The following MERTK variants were observed in gnomAD, a reference collection of about 807,000 sequenced individuals.
MERTK encodes tyrosine-protein kinase Mer.
MERTK carries 69 observed loss-of-function variants against 99.3 expected under a neutral mutation model. The ratio of observed to expected loss-of-function variants is 0.70; its 90% CI spans 0.57 to 0.85. The LOEUF (loss-of-function observed/expected upper bound fraction) is 0.85. Ranked by LOEUF, MERTK falls within the 40% of genes least tolerant of loss-of-function variation. MERTK has a pLI of 0.00. For synonymous variants in MERTK, 426 were observed against 467.6 expected, an observed-to-expected ratio of 0.91 and a Z score of 1.15; for missense variants, 1,125 against 1,249.4, an observed-to-expected ratio of 0.90 and a Z score of 1.50.
intron 1 of MERTK, among the ~76,000 whole-genome samples, chr2:111,903,204 C>G (rs115877414): frequency 0.012 from 1,826 of 152,298 alleles, 38 homozygotes; most frequent in East Asian, 0.03. Context: ...CAGTGAGTAT[C>G]AGAGCACAGC....
intron 2 of MERTK, among the ~76,000 whole-genome samples, chr2:111,931,644 C>T (rs1442099664): frequency 1.3e-5 from 2 of 151,518 alleles, no homozygotes; most frequent in East Asian, 3.9e-4. Context: ...CAAGATTGCA[C>T]CACTGCACTC....
intron 8 of MERTK, among the ~76,000 whole-genome samples, chr2:111,987,063 A>G (rs2104744742): frequency 1.3e-5 from 2 of 152,384 alleles, no homozygotes; most frequent in South Asian, 4.1e-4. Flanking sequence ...ACCTTGTCTC[A>G]AAATTATCCG....
intron 1 of MERTK, among the ~76,000 whole-genome samples, chr2:111,902,813 T>A (rs1684070419): frequency 1.0e-5 from 1 of 96,050 alleles, no homozygotes; most frequent in South Asian, 3.9e-4. Flanking sequence ...TCCCTCTATT[T>A]CTTTATTGAC....
chr2:111,928,113 T>A (rs183068632), intron 1 of MERTK, among the ~76,000 whole-genome samples: 6 of 152,196 alleles, frequency 3.9e-5, no homozygotes, highest in Admixed American at 3.3e-4. Flanking sequence ...CAAGCAAGCA[T>A]TTTCCTGGAA....
At chr2:111,912,496 A>G (rs1282580732) in intron 1 of MERTK, among the ~76,000 whole-genome samples, 1 of 152,206 alleles carries the variant, frequency 6.6e-6, no homozygotes, top group Non-Finnish European at 1.5e-5. Flanking sequence ...AAGAGCCCTT[A>G]ACCTTCTTAC....
intron 18 of MERTK, 27 bp downstream of exon 18, chr2:112,022,421 C>T (rs1325633084): frequency 6.8e-6 from 11 of 1,614,164 alleles, no homozygotes; most frequent in Non-Finnish European, 9.3e-6. Flanking sequence ...GTCTCCCTTC[C>T]ATACTCTGCA....
chr2:112,027,854 T>A (rs138750647), intron 18 of MERTK, among the ~76,000 whole-genome samples: 5 of 152,222 alleles, frequency 3.3e-5, no homozygotes, highest in Admixed American at 2.6e-4. Context: ...TTTGATGGCA[T>A]AGGACAGAGG....
chr2:111,923,017 G>A (rs1003043159), intron 1 of MERTK, among the ~76,000 whole-genome samples: 11 of 152,326 alleles, frequency 7.2e-5, no homozygotes, highest in African/African-American at 2.6e-4. Context: ...TAGGCATGCT[G>A]ACAGCCTCTC....
At chr2:111,966,713 A>T (rs1685363806) in intron 5 of MERTK, among the ~76,000 whole-genome samples, 1 of 152,144 alleles carries the variant, frequency 6.6e-6, no homozygotes, top group African/African-American at 2.4e-5. Flanking sequence ...TATGTGGTCA[A>T]ATTTTGGTCT....
chr2:111,999,173 A>G (rs1676817824), intron 10 of MERTK, among the ~76,000 whole-genome samples: 2 of 152,188 alleles, frequency 1.3e-5, no homozygotes, highest in East Asian at 1.9e-4. Flanking sequence ...AAAATAATCT[A>G]TGTACCTAAG....
intron 3 of MERTK, among the ~76,000 whole-genome samples, chr2:111,945,294 G>A (rs1406124003): frequency 6.6e-6 from 1 of 152,222 alleles, no homozygotes; most frequent in East Asian, 1.9e-4. Flanking sequence ...CATTACAGGT[G>A]AGATAAAAAG....
At chr2:111,915,002 T>A (rs1019797952) in intron 1 of MERTK, among the ~76,000 whole-genome samples, 1 of 152,226 alleles carries the variant, frequency 6.6e-6, no homozygotes. Context: ...AATTCTCCAA[T>A]GAAACCATCT....
intron 4 of MERTK, 132 bp downstream of exon 4, chr2:111,947,699 G>A: frequency 9.2e-7 from 1 of 1,081,182 alleles, no homozygotes; most frequent in Non-Finnish European, 1.4e-6. Context: ...GCAAAGTTAT[G>A]GGACCAGGTA....
At chr2:112,025,101 G>A (rs541420509) in intron 18 of MERTK, among the ~76,000 whole-genome samples, 3 of 152,278 alleles carry the variant, frequency 2.0e-5, no homozygotes, top group African/African-American at 4.8e-5. Flanking sequence ...CACTGCCGCC[G>A]ACTGTTGGCG....
intron 7 of MERTK, among the ~76,000 whole-genome samples, chr2:111,978,259 C>T (rs1208577757): frequency 1.3e-5 from 2 of 151,930 alleles, no homozygotes; most frequent in Non-Finnish European, 2.9e-5. Flanking sequence ...AAGCAATTCT[C>T]CTGCCTCAGC....
At chr2:111,912,636 G>T (rs1362949758) in intron 1 of MERTK, among the ~76,000 whole-genome samples, 1 of 152,110 alleles carries the variant, frequency 6.6e-6, no homozygotes, top group African/African-American at 2.4e-5. Context: ...TGGGAGATCT[G>T]GACTAAGATA....
intron 4 of MERTK, among the ~76,000 whole-genome samples, chr2:111,951,245 T>C (rs1283813400): frequency 6.6e-6 from 1 of 152,002 alleles, no homozygotes; most frequent in Non-Finnish European, 1.5e-5. Flanking sequence ...TTGTTAACTG[T>C]GCTGTACATT....
intron 7 of MERTK, among the ~76,000 whole-genome samples, chr2:111,976,453 A>G (rs1381443895): frequency 1.3e-5 from 2 of 151,952 alleles, no homozygotes; most frequent in African/African-American, 4.8e-5. Flanking sequence ...GGCGTAAAGC[A>G]CCCAACATCA....
chr2:111,967,070 A>G (rs1685371464), intron 5 of MERTK, among the ~76,000 whole-genome samples: 1 of 152,190 alleles, frequency 6.6e-6, no homozygotes, highest in Admixed American at 6.5e-5. Flanking sequence ...GCCTGGGGCC[A>G]TACAGCAGGT....
Sources: gnomAD v4.1 joint callset for allele counts (sites outside exome capture counted in the v4.1 genomes callset) on GRCh38, gnomAD v4.1.1 for gene constraint, MANE v1.5 for transcripts, NCBI Gene and HGNC (gene_info 2026-07-23, HGNC 2026-07-21) for gene names.